The following ODAD3 variants were observed in gnomAD, a reference collection of about 807,000 sequenced individuals.
The protein encoded by ODAD3 is outer dynein arm-docking complex subunit 3.
ODAD3 carries 57 observed loss-of-function variants against 70.9 expected under a neutral mutation model. The observed-to-expected ratio is 0.80, with a 90% CI of 0.65 to 1.00. The LOEUF (loss-of-function observed/expected upper bound fraction) is 1.00, where lower values mean the gene tolerates loss of function less well. Ranked by LOEUF, ODAD3 falls within the 50% of genes least tolerant of loss-of-function variation. The pLI is 0.00. For missense variants in ODAD3, 797 were observed against 763.9 expected (o/e 1.04, Z -0.51); for synonymous variants, 327 against 315.9 (o/e 1.04, Z -0.37).
At position 11,425,043 on chromosome 19, in the gene ODAD3, G is replaced by A. The variant is rs111220053; in HGVS notation, c.964-1014C>T. 1.6e-5 allele frequency among the ~76,000 whole-genome samples: 2 copies of A among 124,512 alleles called. 1 individual carries two copies. Among genetic ancestry groups the A allele is most frequent in the African/African-American group, 8.7e-5 (2 of 22,874 alleles). 81.7% of individuals were successfully genotyped at this position (124,512 alleles called of 152,430 possible). A position where few individuals can be genotyped will look rare whatever the true frequency, so the allele number is the denominator to read the frequency against. ...TATACATATGTGCATATATACATATGTGTATATATGTGTATATGTGTATAT... is the reference window on the plus strand; with the variant it reads ...TATACATATGTGCATATATACATATATGTATATATGTGTATATGTGTATAT... On this transcript the variant is annotated intron_variant, in intron 7 of 12. Coordinates refer to ENST00000356392, the MANE Select transcript of ODAD3 (RefSeq NM_145045.5).
Position 11,422,314 on chromosome 19 carries a change from G to A in ODAD3, c.1434+157C>T, listed in dbSNP as rs995710901. On this transcript the variant is annotated intron_variant, in intron 10 of 12. Coordinates refer to ENST00000356392, the MANE Select transcript of ODAD3 (RefSeq NM_145045.5). The surrounding 1 kb of genome is among the most constrained non-coding windows in gnomAD (Gnocchi z 4.6). ...GGGCGGGGACTCTGAGGAATGGGGT[G>A]GGGCTTCCCCTGTGGGCGGGGCCTC... Among the ~76,000 whole-genome samples, 11 of 152,096 alleles carry A rather than the reference G, an allele frequency of 7.2e-5. No homozygotes were observed. Among genetic ancestry groups the A allele is most frequent in the African/African-American group, 2.7e-4 (11 of 41,420 alleles).
chr19:11,422,404 C>CA lies in ODAD3; in HGVS notation c.1434+66_1434+67insT. 25 of 1,461,912 alleles carry CA rather than the reference C, an allele frequency of 1.7e-5. No homozygotes were observed. The highest frequency in any genetic ancestry group is 2.3e-5 in the Non-Finnish European group (25 of 1,102,692). The allele number at this position is 1,461,912 out of a possible 1,614,324, so 90.6% of individuals were successfully genotyped here. Reference sequence around the variant, plus strand: ...CGGGCAAGCTGGTGTGGCAGGAACCCCGCTTCGTGGCTGCGCCTCTGCGGT... The same window carrying CA: ...CGGGCAAGCTGGTGTGGCAGGAACCCACGCTTCGTGGCTGCGCCTCTGCGGT... On this transcript the variant is annotated intron_variant, in intron 10 of 12. Coordinates refer to ENST00000356392, the MANE Select transcript of ODAD3 (RefSeq NM_145045.5). This position sits in a 1 kb window ranked among gnomAD's most constrained non-coding sequence, Gnocchi z 4.6.
chr19:11,434,629 G>C (rs192364295), intron 1 of ODAD3, 144 bp downstream of exon 1: 1 of 1,005,904 alleles, frequency 9.9e-7, no homozygotes, highest in East Asian at 2.4e-5. Context: ...AAGAGACAGA[G>C]AAGGAAAAAC....
At position 11,426,711 on chromosome 19, in the gene ODAD3, A is replaced by G. The variant is rs747680591; in HGVS notation, c.686T>C (p.Val229Ala). 6.2e-7 allele frequency: 1 copy of G among 1,613,848 alleles called. No individual in the cohort carries two copies. ...KAQEAEHITS[V>A]YLQLKAYLMD... ...TAGATAGGCCTTGAGCTGCAGGTACACGCTGGTAATGTGCTCGGCCTCCTG... is the reference window on the plus strand; with the variant it reads ...TAGATAGGCCTTGAGCTGCAGGTACGCGCTGGTAATGTGCTCGGCCTCCTG... The change falls in exon 5 of 13, where the codon GTG (valine) becomes GCG (alanine). Residue 229 changes from valine (V) to alanine (A), a missense_variant. Val to Ala is a moderately conservative substitution (Grantham distance 64). Transcript: ENST00000356392.
intron 1 of ODAD3, among the ~76,000 whole-genome samples, chr19:11,432,341 T>C (rs1332962393): frequency 6.6e-6 from 1 of 152,188 alleles, no homozygotes; most frequent in Non-Finnish European, 1.5e-5. Context: ...CTCAACCTCC[T>C]GAGCTCAAGC....
chr19:11,435,368 C>G (rs1385497740), upstream of ODAD3: 1 of 470,498 alleles, frequency 2.1e-6, no homozygotes, highest in Non-Finnish European at 3.7e-6. Flanking sequence ...CCAACCTTAT[C>G]CCGCCCCTGG....
chr19:11,431,068 A>AT, intron 1 of ODAD3, 48 bp from the exon 2 acceptor site: 1 of 1,607,988 alleles, frequency 6.2e-7, no homozygotes, highest in South Asian at 1.1e-5. Flanking sequence ...GGGTGGGTGC[A>AT]TGGGTGCAAC....
chr19:11,428,862 T>TA (rs1341081720), intron 3 of ODAD3, among the ~76,000 whole-genome samples: 30 of 69,234 alleles, frequency 4.3e-4, no homozygotes, highest in Non-Finnish European at 6.5e-4. Context: ...TGTTTTATTT[T>TA]TTATTTATTT....
In ODAD3 at chr19:11,422,922, C is replaced by T. The variant is rs1969176713; in HGVS notation, c.1117-61G>A. 6.4e-7 allele frequency: 1 copy of T among 1,553,986 alleles called. No homozygotes were observed. The highest frequency in any genetic ancestry group is 8.7e-7 in the Non-Finnish European group (1 of 1,151,796). ...TAGGGAGCGTAGGGGCGCTCCACCT[C>T]CTCTCCCCCACCCTGCGAACCCTCG... On this transcript the variant is annotated intron_variant, in intron 8 of 12. Transcript: ENST00000356392. This position sits in a 1 kb window ranked among gnomAD's most constrained non-coding sequence, Gnocchi z 4.6.
intron 12 of ODAD3, 44 bp from the exon 13 acceptor site, chr19:11,420,991 G>C (rs762260521): frequency 6.3e-7 from 1 of 1,597,436 alleles, no homozygotes; most frequent in Non-Finnish European, 8.6e-7. Context: ...GTGGGATCCA[G>C]GTCCCCATCC....
chr19:11,425,215 G>A lies in ODAD3; in HGVS notation c.963+929C>T, dbSNP rs1325053612. Among the ~76,000 whole-genome samples the A allele has an allele frequency of 2.4e-5, 3 of 125,820 alleles. 1 individual carries two copies. The highest frequency in any genetic ancestry group is 1.1e-4 in the African/African-American group (3 of 26,624). 82.5% of individuals were successfully genotyped at this position (125,820 alleles called of 152,430 possible). ...TACATATGTGTATGTGTACATATGT[G>A]TATATATGTGTGTATATGTACATAT... On this transcript the variant is annotated intron_variant, in intron 7 of 12. Transcript: ENST00000356392.
chr19:11,425,353 GTATATGTACATATGTGTA>G (rs1969310192), intron 7 of ODAD3, among the ~76,000 whole-genome samples: 1 of 113,550 alleles, frequency 8.8e-6, no homozygotes, highest in African/African-American at 4.8e-5. Context: ...GTATATATGT[GTATATGTACATATGTGTA>G]TATATGTGTG....
intron 1 of ODAD3, among the ~76,000 whole-genome samples, chr19:11,432,677 C>A (rs1468698572): frequency 6.6e-6 from 1 of 152,302 alleles, no homozygotes; most frequent in African/African-American, 2.4e-5. Flanking sequence ...TTCCGAATGC[C>A]ATATATCACG....
chr19:11,433,222 A>T (rs909572937), intron 1 of ODAD3, among the ~76,000 whole-genome samples: 2 of 152,122 alleles, frequency 1.3e-5, no homozygotes, highest in African/African-American at 4.8e-5. Context: ...TGTGTTTTGC[A>T]GAATGTTGGG....
Position 11,422,578 on chromosome 19 carries a change from GCTC to G in ODAD3, c.1324_1326del (p.Glu442del). ...TGGTCCTTGGCCTCGGCGTGCCGCC[GCTC>G]CTCCTTCTTGAGACGCTCCTGCGCC... On this transcript the variant is annotated inframe_deletion, in exon 10 of 13. Coordinates refer to ENST00000356392, the MANE Select transcript of ODAD3 (RefSeq NM_145045.5). This position sits in a 1 kb window ranked among gnomAD's most constrained non-coding sequence, Gnocchi z 4.6. 3 of 1,592,506 alleles carry G rather than the reference GCTC, an allele frequency of 1.9e-6. No homozygotes were observed. The highest frequency in any genetic ancestry group is 1.7e-6 in the Non-Finnish European group (2 of 1,172,044).
intron 10 of ODAD3, 54 bp from the exon 11 acceptor site, chr19:11,421,886 C>T: frequency 1.3e-6 from 2 of 1,561,336 alleles, no homozygotes; most frequent in Non-Finnish European, 1.7e-6. Flanking sequence ...TCTTGGAAGG[C>T]TCCACCCAGG....
Position 11,425,019 on chromosome 19 carries a change from A to ACATATGTGTATATG in ODAD3, c.964-991_964-990insCATATACACATATG, listed in dbSNP as rs1969258135. 1.7e-5 allele frequency among the ~76,000 whole-genome samples: 2 copies of ACATATGTGTATATG among 117,822 alleles called. 1 individual carries two copies. The highest frequency in any genetic ancestry group is 8.3e-5 in the African/African-American group (2 of 23,954). 77.3% of individuals were successfully genotyped at this position (117,822 alleles called of 152,430 possible). A position where few individuals can be genotyped will look rare whatever the true frequency, so the allele number is the denominator to read the frequency against. On this transcript the variant is annotated intron_variant, in intron 7 of 12. Coordinates refer to ENST00000356392, the MANE Select transcript of ODAD3 (RefSeq NM_145045.5). ...TGTGTATATGTATATATGTGTATATATACATATGTGCATATATACATATGT... is the reference window on the plus strand; with the variant it reads ...TGTGTATATGTATATATGTGTATATACATATGTGTATATGTACATATGTGCATATATACATATGT...
chr19:11,432,430 AG>A (rs1407153726), intron 1 of ODAD3, among the ~76,000 whole-genome samples: 9 of 151,956 alleles, frequency 5.9e-5, no homozygotes, highest in Non-Finnish European at 1.2e-4. Flanking sequence ...TTTTTTGTAG[AG>A]TCAAGGATCT....
chr19:11,433,943 G>T (rs1405731849), intron 1 of ODAD3, among the ~76,000 whole-genome samples: 1 of 151,918 alleles, frequency 6.6e-6, no homozygotes, highest in African/African-American at 2.4e-5. Flanking sequence ...AGAAGGCTGG[G>T]CGCGGTGGCT....
Sources: allele counts gnomAD v4.1 joint callset (sites outside exome capture counted in the v4.1 genomes callset), GRCh38; gene constraint gnomAD v4.1.1; non-coding constraint Gnocchi (gnomAD v3.1); transcripts MANE v1.5; gene names NCBI Gene and HGNC (gene_info 2026-07-23, HGNC 2026-07-21).